Variants in INO80E observed in about 807,000 individuals in gnomAD.
The protein encoded by INO80E is INO80 complex subunit E, also known as coiled-coil domain containing 95.
INO80E carries 20 observed loss-of-function variants against 27.3 expected under a neutral mutation model. The observed-to-expected ratio is 0.73, with a 90% CI of 0.51 to 1.06. INO80E has a LOEUF of 1.06. Among genes scored for constraint, INO80E ranks in the 50% least tolerant of loss-of-function variants. The pLI is 0.00. For synonymous variants in INO80E, 167 were observed against 145.9 expected (o/e 1.14, Z -1.04); for missense variants, 357 against 322.8 (o/e 1.11, Z -0.81).
intron 3 of INO80E, among the ~76,000 whole-genome samples, chr16:29,999,945 G>A (rs2070285406): frequency 6.6e-6 from 1 of 152,134 alleles, no homozygotes; most frequent in Non-Finnish European, 1.5e-5. Context: ...AGTGGATGAA[G>A]GGGAGGACTT....
intron 3 of INO80E, among the ~76,000 whole-genome samples, chr16:30,000,345 C>A (rs1302764969): frequency 3.9e-5 from 6 of 151,994 alleles, no homozygotes; most frequent in Non-Finnish European, 7.4e-5. Flanking sequence ...GAGTCAGATT[C>A]CCCCGGGGCC....
In INO80E at chr16:29,996,301, C is replaced by T. The variant is rs146400698; in HGVS notation, c.-10C>T. ...GAGGGCAGACTCTGGGCGCCACTCC[C>T]GGGCCGGTCATGAACGGGCCGGCGG... On this transcript the variant is annotated 5_prime_UTR_variant, in exon 1 of 7. Transcript: ENST00000563197. The T allele has an allele frequency of 1.1e-4, 173 of 1,585,718 alleles. No individual in the cohort carries two copies. In the African/African-American group the frequency reaches 2.1e-3, roughly 19 times the overall value.
Position 30,005,249 on chromosome 16 carries a change from T to G in INO80E, c.542T>G (p.Val181Gly). Reference protein sequence around the residue: ...KMAVGPPDCPVGGPLTFPGRG... With the variant: ...KMAVGPPDCPGGGPLTFPGRG... ...GCGGTGGGACCCCCCGACTGCCCTG[T>G]GGGAGGGCCGCTGACCTTCCCTGGC... Residue 181 changes from valine to glycine, a missense_variant, in exon 7 of 7, where the codon GTG (valine) becomes GGG (glycine). Transcript: ENST00000563197. The G allele has an allele frequency of 6.8e-7, 1 of 1,467,250 alleles. No homozygotes were observed. 90.9% of individuals were successfully genotyped at this position (1,467,250 alleles called of 1,614,324 possible).
intron 3 of INO80E, among the ~76,000 whole-genome samples, chr16:29,998,557 C>T (rs1157312544): frequency 3.9e-5 from 6 of 152,190 alleles, no homozygotes; most frequent in Non-Finnish European, 8.8e-5. Flanking sequence ...TCCAATTCAT[C>T]CTGACACTTT....
Position 29,996,338 on chromosome 16 carries a change from GACTACAAA to G in INO80E, c.30_37del (p.Asp10GlufsTer53). 3.1e-6 allele frequency: 5 copies of G among 1,598,434 alleles called. No individual in the cohort carries two copies. The highest frequency in any genetic ancestry group is 3.4e-6 in the Non-Finnish European group (4 of 1,172,626). ...GAACGGGCCGGCGGACGGCGAAGTG[GACTACAAA>G]AAAAAATACCGGAATCTGAAGCGGA... On this transcript the variant is annotated frameshift_variant, in exon 1 of 7. Coordinates refer to ENST00000563197, the MANE Select transcript of INO80E (RefSeq NM_173618.3). LOFTEE classifies it high-confidence loss of function.
In INO80E at chr16:30,005,323, CCTAAGATGCCCCCCCCCACGAT is replaced by C; in HGVS notation, c.618_639del (p.Lys207Ter). ...GACAACCCTGACCCCCCTCCCACCC[CCTAAGATGCCCCCCCCCACGAT>C]CCTGAGCACGGTCCCTCGGCAGATG... is the stretch of plus-strand genomic sequence containing the variant. On this transcript the variant is annotated frameshift_variant, in exon 7 of 7. Transcript: ENST00000563197. LOFTEE classifies it high-confidence loss of function. 7 of 1,329,954 alleles carry C rather than the reference CCTAAGATGCCCCCCCCCACGAT, an allele frequency of 5.3e-6. No homozygotes were observed. The highest frequency in any genetic ancestry group is 3.1e-5 in the South Asian group (2 of 64,620). 82.4% of individuals were successfully genotyped at this position (1,329,954 alleles called of 1,614,324 possible).
At chr16:30,000,641 A>G in intron 3 of INO80E, 117 bp from the exon 4 acceptor site, 1 of 773,412 alleles carries the variant, frequency 1.3e-6, no homozygotes, top group Non-Finnish European at 2.1e-6. Flanking sequence ...CTGGGATTCC[A>G]GGCGTGAGCC....
chr16:30,004,854 C>T (rs1011267400), intron 6 of INO80E, among the ~76,000 whole-genome samples: 4 of 152,152 alleles, frequency 2.6e-5, no homozygotes, highest in Admixed American at 2.0e-4. Flanking sequence ...AAGCTGGTGG[C>T]AGGTGGCACC....
intron 5 of INO80E, 161 bp downstream of exon 5, chr16:30,001,201 C>G (rs771393797): frequency 1.4e-6 from 2 of 1,478,392 alleles, no homozygotes; most frequent in African/African-American, 2.8e-5. Context: ...GCCCCCTTCT[C>G]TCTGGTATAG....
intron 3 of INO80E, among the ~76,000 whole-genome samples, chr16:29,998,016 G>A (rs1017046106): frequency 6.6e-6 from 1 of 151,682 alleles, no homozygotes; most frequent in Non-Finnish European, 1.5e-5. Flanking sequence ...AAAGGTCAAG[G>A]CTGCAGTGAG....
chr16:30,001,051 G>C lies in INO80E; in HGVS notation c.396+11G>C, dbSNP rs374571154. On this transcript the variant is annotated intron_variant, in intron 5 of 6. Coordinates refer to ENST00000563197, the MANE Select transcript of INO80E (RefSeq NM_173618.3). The stretch of plus-strand genomic sequence containing the variant: ...CCATACCTGAGCTCGGTGAGTTGGG[G>C]TCAGGGATGGGAAGTGCTTGGGAGT... 3 of 1,536,536 alleles carry C rather than the reference G, an allele frequency of 2.0e-6. No homozygotes were observed. The highest frequency in any genetic ancestry group is 2.8e-5 in the African/African-American group (2 of 72,068).
Position 29,996,842 on chromosome 16 carries a change from G to T in INO80E, c.187G>T (p.Val63Leu), listed in dbSNP as rs781341435. Residue 63 changes from valine to leucine, a missense_variant, in exon 3 of 7, where the codon GTG (valine) becomes TTG (leucine). Physicochemically the swap from Val to Leu is conservative, Grantham distance 32. Coordinates refer to ENST00000563197, the MANE Select transcript of INO80E (RefSeq NM_173618.3). ...AGACCGACTTCTGCAGTACGAGAACGTGGATGAAGACTCTTCGGGTGAGCA... is the reference window on the plus strand; with the variant it reads ...AGACCGACTTCTGCAGTACGAGAACTTGGATGAAGACTCTTCGGGTGAGCA... ...LLDRLLQYENVDEDSSDSDAT... is the reference protein window; with the variant it reads ...LLDRLLQYENLDEDSSDSDAT... 6 of 1,614,134 alleles carry T rather than the reference G, an allele frequency of 3.7e-6. No homozygotes were observed. In the Admixed American group the frequency reaches 8.3e-5, roughly 22 times the overall value.
At chr16:30,000,726 C>G in intron 3 of INO80E, 32 bp from the exon 4 acceptor site, 1 of 1,584,256 alleles carries the variant, frequency 6.3e-7, no homozygotes, top group Non-Finnish European at 8.7e-7. Context: ...TGGGATCCCC[C>G]CATCCCCACT....
At chr16:30,001,700 T>C (rs931292396) in intron 6 of INO80E, 170 bp downstream of exon 6, 21 of 638,956 alleles carry the variant, frequency 3.3e-5, no homozygotes, top group Admixed American at 2.4e-4. Context: ...CAGGCTTGTA[T>C]GGAGACAAAT....
chr16:29,999,568 GGTCT>G (rs1394295133), intron 3 of INO80E: 1 of 152,238 alleles, frequency 6.6e-6, no homozygotes, highest in African/African-American at 2.4e-5. Context: ...CTTCTTAAAG[GGTCT>G]GTCTGAGCAG....
intron 5 of INO80E, 138 bp downstream of exon 5, chr16:30,001,178 G>T (rs773572787): frequency 7.5e-6 from 11 of 1,472,810 alleles, no homozygotes; most frequent in Non-Finnish European, 9.9e-6. Context: ...CGTGGAGGGT[G>T]TGAGTCGGGG....
At chr16:30,000,720 A>T in intron 3 of INO80E, 38 bp from the exon 4 acceptor site, 1 of 1,554,864 alleles carries the variant, frequency 6.4e-7, no homozygotes, top group South Asian at 1.1e-5. Context: ...ATGGACTGGG[A>T]TCCCCCCATC....
chr16:30,001,013 C>G lies in INO80E; in HGVS notation c.369C>G (p.Ser123=). 6.4e-7 allele frequency: 1 copy of G among 1,551,754 alleles called. No homozygotes were observed. Among genetic ancestry groups the G allele is most frequent in the South Asian group, 1.2e-5 (1 of 82,646 alleles). Residue 123 remains serine (S), a synonymous_variant, in exon 5 of 7, where the codon TCC becomes TCG. Transcript: ENST00000563197. ...PPSTGFPLQA[S]GVPSPYLSSL... ...CAACAGGGTTTCCCCTTCAGGCCTC[C>G]GGGGTCCCCTCCCCATACCTGAGCT...
At position 30,005,363 on chromosome 16, in the gene INO80E, G is replaced by A. The variant is rs148995459; in HGVS notation, c.656G>A (p.Arg219Gln). 26 of 1,513,242 alleles carry A rather than the reference G, an allele frequency of 1.7e-5. No homozygotes were observed. In the East Asian group the frequency reaches 3.9e-4, roughly 23 times the overall value. 93.7% of individuals were successfully genotyped at this position (1,513,242 alleles called of 1,614,324 possible). Residue 219 changes from arginine (R) to glutamine (Q), a missense_variant, in exon 7 of 7, where the codon CGG (arginine) becomes CAG (glutamine). Arg to Gln is a conservative substitution (Grantham distance 43). Coordinates refer to ENST00000563197, the MANE Select transcript of INO80E (RefSeq NM_173618.3). ...PPPTILSTVPRQMFSDAGSGD... is the reference protein window; with the variant it reads ...PPPTILSTVPQQMFSDAGSGD... The stretch of plus-strand genomic sequence containing the variant: ...CCCACGATCCTGAGCACGGTCCCTC[G>A]GCAGATGTTCAGCGATGCAGGTAGC...
Sources: gnomAD v4.1 joint callset for allele counts (sites outside exome capture counted in the v4.1 genomes callset) on GRCh38, gnomAD v4.1.1 for gene constraint, MANE v1.5 for transcripts, NCBI Gene and HGNC (gene_info 2026-07-23, HGNC 2026-07-21) for gene names.